MMP24: variants seen among roughly 807,000 people sequenced by gnomAD.
The protein encoded by MMP24 is matrix metalloproteinase-24.
In MMP24, 25 loss-of-function variants were observed where a neutral mutation model predicts 62.8. The observed-to-expected ratio is 0.40, with a 90% CI of 0.29 to 0.56. The LOEUF is 0.56. Ranked by LOEUF, MMP24 falls within the 20% of genes least tolerant of loss-of-function variation. The pLI is 0.50. For missense variants in MMP24, 634 were observed against 853.6 expected (o/e 0.74, Z 3.21); for synonymous variants, 319 against 350.5 (o/e 0.91, Z 1.00).
chr20:35,251,797 A>G (rs964874910), intron 2 of MMP24, 108 bp from the exon 3 acceptor site: 43 of 828,138 alleles, frequency 5.2e-5, no homozygotes, highest in Non-Finnish European at 8.6e-5. Flanking sequence ...GTGTAGCTTG[A>G]GGATGCACAT....
intron 4 of MMP24, among the ~76,000 whole-genome samples, chr20:35,259,209 T>A (rs374511728): frequency 2.6e-5 from 4 of 152,052 alleles, no homozygotes; most frequent in Non-Finnish European, 4.4e-5. Context: ...AAATACTTTT[T>A]AAAAAAATAG....
At chr20:35,258,725 T>C (rs76411860) in intron 4 of MMP24, among the ~76,000 whole-genome samples, 1 of 152,142 alleles carries the variant, frequency 6.6e-6, no homozygotes, top group African/African-American at 2.4e-5. Flanking sequence ...CTTTTAGTGA[T>C]GTTGAGGTCG....
rs1279370099 is a variant in MMP24 at position 35,274,627 on chromosome 20, C to T, written c.*18C>T. ...GGGTGTGAGCAGCCCAGAGCCCTCT[C>T]TATCCACTTGGTCTGGCCAGCCAGG... On this transcript the variant is annotated 3_prime_UTR_variant, in exon 9 of 9. Coordinates refer to ENST00000246186, the MANE Select transcript of MMP24 (RefSeq NM_006690.4). The surrounding 1 kb of genome is among the most constrained non-coding windows in gnomAD (Gnocchi z 5.1). The T allele has an allele frequency of 6.4e-7, 1 of 1,572,888 alleles. No individual in the cohort carries two copies. The highest frequency in any genetic ancestry group is 8.6e-7 in the Non-Finnish European group (1 of 1,157,552).
rs2060667474 is a variant in MMP24 at position 35,271,256 on chromosome 20, G to C, written c.1334-313G>C. On this transcript the variant is annotated intron_variant, in intron 7 of 8. Coordinates refer to ENST00000246186, the MANE Select transcript of MMP24 (RefSeq NM_006690.4). This position sits in a 1 kb window ranked among gnomAD's most constrained non-coding sequence, Gnocchi z 4.0. ...GCTCTGCTGCTCAGGTCCAGTGGGA[G>C]AGCCTCAGAGTCGGGTGTCACTGGT... is the stretch of plus-strand genomic sequence containing the variant. 6.6e-6 allele frequency among the ~76,000 whole-genome samples: 1 copy of C among 152,202 alleles called. No homozygotes were observed. Among genetic ancestry groups the C allele is most frequent in the Non-Finnish European group, 1.5e-5 (1 of 68,038 alleles).
chr20:35,274,392 T>TGGAGCGGCGGAA lies in MMP24; in HGVS notation c.1732_1743dup (p.Lys578_Arg581dup), dbSNP rs760903739. On this transcript the variant is annotated inframe_insertion, in exon 9 of 9. Transcript: ENST00000246186. The surrounding 1 kb of genome is among the most constrained non-coding windows in gnomAD (Gnocchi z 5.1). ...TGGATGGGCTGCAACCAGAAGGAGGTGGAGCGGCGGAAGGAGCGGCGGCTG... is the reference window on the plus strand; with the variant it reads ...TGGATGGGCTGCAACCAGAAGGAGGTGGAGCGGCGGAAGGAGCGGCGGAAGGAGCGGCGGCTG... 3 of 1,613,720 alleles carry TGGAGCGGCGGAA rather than the reference T, an allele frequency of 1.9e-6. No homozygotes were observed. Among genetic ancestry groups the TGGAGCGGCGGAA allele is most frequent in the East Asian group, 2.2e-5 (1 of 44,864 alleles).
rs568215611 is a variant in MMP24, at chr20:35,275,841, C to T, written c.*1232C>T. The T allele has an allele frequency of 1.9e-4, 75 of 396,138 alleles. No homozygotes were observed. The highest frequency in any genetic ancestry group is 1.5e-3 in the African/African-American group (72 of 48,708). The allele number at this position is 396,138 out of a possible 1,614,324, so 24.5% of individuals were successfully genotyped here. On this transcript the variant is annotated 3_prime_UTR_variant, in exon 9 of 9. Coordinates refer to ENST00000246186, the MANE Select transcript of MMP24 (RefSeq NM_006690.4). ...CCCACACTGCTCTTAGAAGGACACC[C>T]CTACCGGTAGCAGCCCCAAGCTGAG...
At chr20:35,257,420 T>C (rs774265712) in intron 4 of MMP24, among the ~76,000 whole-genome samples, 4 of 152,186 alleles carry the variant, frequency 2.6e-5, no homozygotes, top group African/African-American at 4.8e-5. Context: ...TGCTAACAGA[T>C]AAGATGTGAG....
rs763860375 is a variant in MMP24, at chr20:35,269,748, G to A, written c.1195-12G>A. ...TGACACACCTCTCTCCCCCTCTCCC[G>A]CTTCCTCCCAGGATCGCTGGTTCTG... On this transcript the variant is annotated splice_polypyrimidine_tract_variant and intron_variant, in intron 6 of 8. Coordinates refer to ENST00000246186, the MANE Select transcript of MMP24 (RefSeq NM_006690.4). This position sits in a 1 kb window ranked among gnomAD's most constrained non-coding sequence, Gnocchi z 4.6. The A allele has an allele frequency of 1.1e-5, 17 of 1,565,484 alleles. No homozygotes were observed. Among genetic ancestry groups the A allele is most frequent in the Admixed American group, 3.8e-5 (2 of 52,850 alleles).
Position 35,268,793 on chromosome 20 carries a change from C to T in MMP24, c.1195-967C>T, listed in dbSNP as rs558668230. On this transcript the variant is annotated intron_variant, in intron 6 of 8. Transcript: ENST00000246186. ...TTGCAATCCCAACACTTTGGGAGGC[C>T]AAGGAGGGCGGATCATAAGGTCAGG... Among the ~76,000 whole-genome samples the T allele has an allele frequency of 2.5e-3, 378 of 152,094 alleles. 13 individuals carry two copies. Among genetic ancestry groups the T allele is most frequent in the African/African-American group, 8.0e-3 (331 of 41,496 alleles).
chr20:35,252,639 C>A (rs2060553063), intron 3 of MMP24, among the ~76,000 whole-genome samples: 1 of 152,240 alleles, frequency 6.6e-6, no homozygotes, highest in Non-Finnish European at 1.5e-5. Context: ...ATAGTGTCAT[C>A]TTTGACTGTC....
At position 35,276,305 on chromosome 20, in the gene MMP24, C is replaced by T. The variant is rs961690283; in HGVS notation, c.*1696C>T. 2.5e-6 allele frequency: 1 copy of T among 399,160 alleles called. No individual in the cohort carries two copies. The highest frequency in any genetic ancestry group is 4.4e-6 in the Non-Finnish European group (1 of 226,100). The allele number at this position is 399,160 out of a possible 1,614,324, so 24.7% of individuals were successfully genotyped here. On this transcript the variant is annotated 3_prime_UTR_variant, in exon 9 of 9. Coordinates refer to ENST00000246186, the MANE Select transcript of MMP24 (RefSeq NM_006690.4). ...CCAAGGGCAGGCTCCCTGGGACAGG[C>T]AGGGAACAACTGCGGAGATATTAGT...
chr20:35,228,859 T>A (rs776296230), intron 1 of MMP24, among the ~76,000 whole-genome samples: 2 of 152,174 alleles, frequency 1.3e-5, no homozygotes, highest in Non-Finnish European at 2.9e-5. Context: ...TGGCCCTAAT[T>A]TTCAATAGAT....
chr20:35,268,320 C>T lies in MMP24; in HGVS notation c.1194+901C>T, dbSNP rs375386924. On this transcript the variant is annotated intron_variant, in intron 6 of 8. Coordinates refer to ENST00000246186, the MANE Select transcript of MMP24 (RefSeq NM_006690.4). The stretch of plus-strand genomic sequence containing the variant: ...CTGGCCACACTGCTGGCCACTGGGG[C>T]AACAAGCCCTTCTCTGAAGGGGATC... 2.1e-3 allele frequency among the ~76,000 whole-genome samples: 319 copies of T among 152,338 alleles called. 13 individuals carry two copies. The highest frequency in any genetic ancestry group is 6.9e-3 in the African/African-American group (289 of 41,592).
intron 4 of MMP24, among the ~76,000 whole-genome samples, chr20:35,255,603 TTCA>T (rs540271792): frequency 8.6e-4 from 131 of 152,246 alleles, no homozygotes; most frequent in Middle Eastern, 3.4e-3. Flanking sequence ...TGCCAAAAAA[TTCA>T]TCATCAATAT....
intron 1 of MMP24, among the ~76,000 whole-genome samples, chr20:35,227,383 G>A (rs1266220987): frequency 6.6e-6 from 1 of 151,922 alleles, no homozygotes; most frequent in African/African-American, 2.4e-5. Context: ...AGCTGGAGAA[G>A]GGGGAGGGGG....
intron 2 of MMP24, among the ~76,000 whole-genome samples, chr20:35,249,064 C>T (rs1041138897): frequency 1.6e-4 from 24 of 152,162 alleles, no homozygotes; most frequent in African/African-American, 5.1e-4. Context: ...TTGTAGAAGG[C>T]GGGGGAGTTG....
At chr20:35,236,973 CAA>C (rs10710875) in intron 1 of MMP24, among the ~76,000 whole-genome samples, 4,654 of 76,366 alleles carry the variant, frequency 0.061, 228 homozygotes, top group African/African-American at 0.18. Context: ...GACACCATCT[CAA>C]AAAAAAAAAA....
At chr20:35,231,935 C>T (rs1199736811) in intron 1 of MMP24, among the ~76,000 whole-genome samples, 1 of 152,088 alleles carries the variant, frequency 6.6e-6, no homozygotes, top group East Asian at 1.9e-4. Flanking sequence ...GCCTGTAATC[C>T]CAGCTGCTGA....
At chr20:35,255,864 G>T (rs369407999) in intron 4 of MMP24, among the ~76,000 whole-genome samples, 160 of 152,280 alleles carry the variant, frequency 1.1e-3, no homozygotes, top group African/African-American at 3.6e-3. Flanking sequence ...AGACCAGGGG[G>T]AGCTGAATGT....
Sources: allele counts gnomAD v4.1 joint callset (sites outside exome capture counted in the v4.1 genomes callset), GRCh38; gene constraint gnomAD v4.1.1; non-coding constraint Gnocchi (gnomAD v3.1); transcripts MANE v1.5; gene names NCBI Gene and HGNC (gene_info 2026-07-23, HGNC 2026-07-21).